GHR: variants seen among roughly 807,000 people sequenced by gnomAD.
GHR encodes GH receptor.
GHR carries 35 observed loss-of-function variants against 67.1 expected under a neutral mutation model. The ratio of observed to expected loss-of-function variants is 0.52; its 90% CI spans 0.40 to 0.69. The LOEUF is 0.69. Among genes scored for constraint, GHR ranks in the 30% least tolerant of loss-of-function variants. The pLI, the probability that GHR is intolerant of heterozygous loss-of-function variation, is 0.00. For missense variants in GHR, 792 were observed against 764.6 expected (o/e 1.04, Z -0.42); for synonymous variants, 272 against 269.1 (o/e 1.01, Z -0.10).
intron 2 of GHR, among the ~76,000 whole-genome samples, chr5:42,602,821 A>T: frequency 6.6e-6 from 1 of 152,254 alleles, no homozygotes; most frequent in East Asian, 1.9e-4. Context: ...ATCCCAATGT[A>T]CATCTGTTTA....
chr5:42,478,001 G>T (rs921178908), intron 1 of GHR, among the ~76,000 whole-genome samples: 3 of 151,640 alleles, frequency 2.0e-5, no homozygotes, highest in Non-Finnish European at 4.4e-5. Flanking sequence ...TTCTTCTAGG[G>T]TTTTCATGGT....
At chr5:42,512,059 C>T (rs899702184) in intron 1 of GHR, among the ~76,000 whole-genome samples, 1 of 152,080 alleles carries the variant, frequency 6.6e-6, no homozygotes, top group Non-Finnish European at 1.5e-5. Context: ...GAATTAATTG[C>T]CTCTTTACCC....
intron 2 of GHR, among the ~76,000 whole-genome samples, chr5:42,596,320 G>A (rs1379661276): frequency 6.6e-6 from 1 of 151,646 alleles, no homozygotes; most frequent in African/African-American, 2.4e-5. Context: ...AAAAAAAACA[G>A]GCAAGTAAAT....
chr5:42,474,319 A>AAG (rs1336404710), intron 1 of GHR, among the ~76,000 whole-genome samples: 41 of 138,202 alleles, frequency 3.0e-4, no homozygotes, highest in East Asian at 1.6e-3. Flanking sequence ...GAAAGAAAGA[A>AAG]AGAAAGAAAG....
At chr5:42,548,156 G>A in intron 1 of GHR, 1 of 984,770 alleles carries the variant, frequency 1.0e-6, no homozygotes, top group Non-Finnish European at 1.2e-6. Context: ...GCAAAGGTCA[G>A]GGGATTTATT....
chr5:42,619,602 A>G (rs1185987175), intron 2 of GHR: 2 of 152,150 alleles, frequency 1.3e-5, no homozygotes, highest in African/African-American at 4.8e-5. Flanking sequence ...TGCCTGGCAC[A>G]TTGTAAGTAC....
chr5:42,490,506 G>A (rs1746071408), intron 1 of GHR, among the ~76,000 whole-genome samples: 1 of 152,122 alleles, frequency 6.6e-6, no homozygotes, highest in African/African-American at 2.4e-5. Flanking sequence ...ATGATATTAG[G>A]GGCCCATGAT....
At chr5:42,466,093 C>T (rs1744721116) in intron 1 of GHR, 2 of 341,040 alleles carry the variant, frequency 5.9e-6, no homozygotes, top group South Asian at 3.3e-5. Context: ...TGCATCTTAC[C>T]CAAATGGAAT....
intron 2 of GHR, among the ~76,000 whole-genome samples, chr5:42,571,323 T>C (rs920700429): frequency 7.9e-5 from 12 of 152,188 alleles, no homozygotes; most frequent in African/African-American, 2.4e-4. Context: ...GCAGTATGGC[T>C]GTGGTATGGC....
intron 1 of GHR, among the ~76,000 whole-genome samples, chr5:42,469,630 G>T (rs1026477224): frequency 1.3e-5 from 2 of 152,168 alleles, no homozygotes. Flanking sequence ...AGCAGGACCA[G>T]CCAGTCTCCC....
intron 1 of GHR, among the ~76,000 whole-genome samples, chr5:42,470,598 G>T (rs1744970703): frequency 1.3e-5 from 2 of 152,082 alleles, no homozygotes; most frequent in African/African-American, 4.8e-5. Flanking sequence ...CCTTCTTGTT[G>T]ATTAGCACTA....
intron 3 of GHR, chr5:42,659,511 G>A (rs1477008429): frequency 1.3e-5 from 2 of 152,168 alleles, no homozygotes; most frequent in Non-Finnish European, 2.9e-5. Context: ...AAAGGGAAAG[G>A]ATTCATCAAA....
chr5:42,528,098 G>A (rs548476965), intron 1 of GHR, among the ~76,000 whole-genome samples: 4 of 152,240 alleles, frequency 2.6e-5, no homozygotes, highest in East Asian at 1.9e-4. Context: ...TGTAGTTTTC[G>A]TGCCTGTTAA....
At chr5:42,596,967 C>T (rs1321432440) in intron 2 of GHR, among the ~76,000 whole-genome samples, 1 of 152,198 alleles carries the variant, frequency 6.6e-6, no homozygotes, top group Non-Finnish European at 1.5e-5. Context: ...AGTGACATCA[C>T]TACAGGACAC....
At chr5:42,603,999 G>T (rs1381336053) in intron 2 of GHR, among the ~76,000 whole-genome samples, 1 of 152,188 alleles carries the variant, frequency 6.6e-6, no homozygotes, top group African/African-American at 2.4e-5. Flanking sequence ...AGTGGCTCAT[G>T]GAACTTGGAA....
At chr5:42,654,928 T>A (rs770997998) in intron 3 of GHR, among the ~76,000 whole-genome samples, 2 of 152,082 alleles carry the variant, frequency 1.3e-5, no homozygotes, top group Non-Finnish European at 2.9e-5. Flanking sequence ...CGAGCCAACA[T>A]GTAAGTAAAT....
chr5:42,452,524 G>A (rs1453275819), intron 1 of GHR, among the ~76,000 whole-genome samples: 1 of 151,966 alleles, frequency 6.6e-6, no homozygotes, highest in African/African-American at 2.4e-5. Context: ...TCTTCCTCAG[G>A]AACACCATTT....
chr5:42,593,579 C>T (rs577111200), intron 2 of GHR, among the ~76,000 whole-genome samples: 140 of 152,296 alleles, frequency 9.2e-4, no homozygotes, highest in African/African-American at 3.3e-3. Context: ...GGTACAGCTA[C>T]CTCCTAAGGA....
At chr5:42,516,944 G>A (rs1387807701) in intron 1 of GHR, among the ~76,000 whole-genome samples, 1 of 152,188 alleles carries the variant, frequency 6.6e-6, no homozygotes, top group Non-Finnish European at 1.5e-5. Flanking sequence ...TTATTTACCG[G>A]TGTTCACTAA....
Sources: allele counts gnomAD v4.1 joint callset (sites outside exome capture counted in the v4.1 genomes callset), GRCh38; gene constraint gnomAD v4.1.1; transcripts MANE v1.5; gene names NCBI Gene and HGNC (gene_info 2026-07-23, HGNC 2026-07-21).